The following RARRES1 variants were observed in gnomAD, a reference collection of about 807,000 sequenced individuals.
The protein encoded by RARRES1 is retinoic acid receptor responder 1.
Under a neutral mutation model 30.6 loss-of-function variants are expected in RARRES1, and 34 were observed. The observed-to-expected ratio is 1.11, with a 90% CI of 0.84 to 1.48. The LOEUF (loss-of-function observed/expected upper bound fraction) is 1.48. Among genes scored for constraint, RARRES1 ranks in the 40% most tolerant of loss-of-function variants. The pLI is 0.00. For missense variants in RARRES1, 373 were observed against 386.5 expected, an observed-to-expected ratio of 0.97 and a Z score of 0.29; for synonymous variants, 153 against 155.5, an observed-to-expected ratio of 0.98 and a Z score of 0.12.
At chr3:158,704,450 T>G (rs1203066689) in intron 4 of RARRES1, among the ~76,000 whole-genome samples, 1 of 152,112 alleles carries the variant, frequency 6.6e-6, no homozygotes, top group Admixed American at 6.6e-5. Flanking sequence ...CAGGCTGGTC[T>G]CAAACTCCTG....
At chr3:158,714,161 G>T (rs1291092513) in intron 1 of RARRES1, among the ~76,000 whole-genome samples, 3 of 152,138 alleles carry the variant, frequency 2.0e-5, no homozygotes, top group African/African-American at 7.2e-5. Context: ...CAGGGAGCTG[G>T]AGGGAATTCC....
chr3:158,697,639 T>C lies in RARRES1; in HGVS notation c.*39A>G, dbSNP rs1485760864. On this transcript the variant is annotated 3_prime_UTR_variant, in exon 6 of 6. Coordinates refer to ENST00000237696, the MANE Select transcript of RARRES1 (RefSeq NM_206963.2). ...AGAAGAATGATTTATGCTAGTATAGTCACTTGTTTAGAAGTCGGAAAAAGA... is the reference window on the plus strand; with the variant it reads ...AGAAGAATGATTTATGCTAGTATAGCCACTTGTTTAGAAGTCGGAAAAAGA... 6.4e-7 allele frequency: 1 copy of C among 1,551,144 alleles called. No individual in the cohort carries two copies. The highest frequency in any genetic ancestry group is 2.2e-5 in the East Asian group (1 of 44,566).
intron 1 of RARRES1, among the ~76,000 whole-genome samples, chr3:158,719,444 G>A (rs1727429091): frequency 6.6e-6 from 1 of 151,872 alleles, no homozygotes; most frequent in Admixed American, 6.6e-5. Flanking sequence ...GCTAATTTTT[G>A]TATTTTTATC....
At chr3:158,706,505 C>T (rs1476652373) in intron 3 of RARRES1, among the ~76,000 whole-genome samples, 1 of 152,150 alleles carries the variant, frequency 6.6e-6, no homozygotes, top group Non-Finnish European at 1.5e-5. Context: ...TTTGAAAGGC[C>T]TTGTTTCCAG....
intron 4 of RARRES1, among the ~76,000 whole-genome samples, chr3:158,701,849 T>G (rs1726734327): frequency 6.6e-6 from 1 of 152,200 alleles, no homozygotes; most frequent in South Asian, 2.1e-4. Flanking sequence ...AAATTTGTAT[T>G]AGTTTAACTT....
chr3:158,719,784 G>C (rs1423373714), intron 1 of RARRES1, among the ~76,000 whole-genome samples: 2 of 152,132 alleles, frequency 1.3e-5, no homozygotes, highest in Non-Finnish European at 2.9e-5. Flanking sequence ...ACCTGTTCGA[G>C]AGAATGTACA....
chr3:158,706,988 G>A (rs1300475785), intron 3 of RARRES1, among the ~76,000 whole-genome samples: 3 of 152,080 alleles, frequency 2.0e-5, no homozygotes, highest in African/African-American at 4.8e-5. Context: ...GGACAACATG[G>A]TGAAACCCCA....
chr3:158,709,028 T>C (rs554127681), intron 3 of RARRES1, among the ~76,000 whole-genome samples: 1 of 152,306 alleles, frequency 6.6e-6, no homozygotes, highest in Non-Finnish European at 1.5e-5. Flanking sequence ...GTAGATAATT[T>C]TACATACACA....
chr3:158,717,995 TTG>T (rs1727379534), intron 1 of RARRES1, among the ~76,000 whole-genome samples: 1 of 151,824 alleles, frequency 6.6e-6, no homozygotes, highest in Non-Finnish European at 1.5e-5. Context: ...TTTTTTTTTT[TTG>T]AGACAGAGTC....
intron 3 of RARRES1, among the ~76,000 whole-genome samples, chr3:158,706,408 A>T (rs1726924931): frequency 6.6e-6 from 1 of 152,188 alleles, no homozygotes; most frequent in Non-Finnish European, 1.5e-5. Context: ...TGAGTGAGAA[A>T]GTGAGCACGT....
intron 3 of RARRES1, among the ~76,000 whole-genome samples, chr3:158,709,598 C>T (rs532241174): frequency 2.0e-4 from 30 of 152,238 alleles, no homozygotes; most frequent in Non-Finnish European, 3.4e-4. Context: ...GACATTTAGT[C>T]TCAGTAAATC....
At chr3:158,714,965 G>T (rs1262971005) in intron 1 of RARRES1, among the ~76,000 whole-genome samples, 1 of 152,186 alleles carries the variant, frequency 6.6e-6, no homozygotes, top group East Asian at 1.9e-4. Flanking sequence ...CTGGAGAAGG[G>T]AAGGAAAGGA....
At chr3:158,730,783 T>C (rs1316730267) in intron 1 of RARRES1, among the ~76,000 whole-genome samples, 1 of 144,810 alleles carries the variant, frequency 6.9e-6, no homozygotes, top group African/African-American at 2.6e-5. Context: ...TTTTATTTTA[T>C]TTTATTTATT....
chr3:158,721,876 G>A (rs1009107800), intron 1 of RARRES1, among the ~76,000 whole-genome samples: 1 of 152,094 alleles, frequency 6.6e-6, no homozygotes, highest in African/African-American at 2.4e-5. Flanking sequence ...CAGATCACCT[G>A]AGGTCGAGTG....
intron 2 of RARRES1, among the ~76,000 whole-genome samples, chr3:158,711,974 A>G (rs1288787749): frequency 1.3e-5 from 2 of 152,172 alleles, no homozygotes; most frequent in African/African-American, 4.8e-5. Flanking sequence ...TGGAGCTTCA[A>G]CTAGACATCA....
intron 3 of RARRES1, among the ~76,000 whole-genome samples, chr3:158,707,468 G>A (rs752972087): frequency 2.0e-5 from 3 of 152,040 alleles, no homozygotes; most frequent in Non-Finnish European, 4.4e-5. Flanking sequence ...GATACTGATG[G>A]GGCAAAATTA....
chr3:158,709,921 C>T (rs1328496182), intron 3 of RARRES1, among the ~76,000 whole-genome samples: 5 of 152,220 alleles, frequency 3.3e-5, no homozygotes, highest in Admixed American at 3.3e-4. Flanking sequence ...CACCACTGCC[C>T]ATTAACCACT....
At chr3:158,728,224 A>G (rs546143020) in intron 1 of RARRES1, among the ~76,000 whole-genome samples, 58 of 151,974 alleles carry the variant, frequency 3.8e-4, no homozygotes, top group Admixed American at 1.5e-3. Context: ...AAAAAAAAAA[A>G]CCGGATCCCA....
intron 1 of RARRES1, among the ~76,000 whole-genome samples, chr3:158,731,032 C>CACT (rs1727867908): frequency 1.3e-5 from 2 of 152,124 alleles, no homozygotes; most frequent in Admixed American, 6.5e-5. Flanking sequence ...ATCCACCTGT[C>CACT]TCGGCCTCCC....
Sources: gnomAD v4.1 joint callset for allele counts (sites outside exome capture counted in the v4.1 genomes callset) on GRCh38, gnomAD v4.1.1 for gene constraint, MANE v1.5 for transcripts, NCBI Gene and HGNC (gene_info 2026-07-23, HGNC 2026-07-21) for gene names.